Variants in BICRA observed in about 807,000 individuals in gnomAD.
BICRA encodes the protein BRD4 interacting chromatin remodeling complex associated protein.
Under a neutral mutation model 96.9 loss-of-function variants are expected in BICRA, and 31 were observed. The observed-to-expected ratio is 0.32, with a 90% CI of 0.24 to 0.43. The LOEUF is 0.43. Among genes scored for constraint, BICRA ranks in the 20% least tolerant of loss-of-function variants. The pLI is 1.00. For synonymous variants in BICRA, 1,350 were observed against 1,071.8 expected, an observed-to-expected ratio of 1.26 and a Z score of -5.07; for missense variants, 2,283 against 2,190.3, an observed-to-expected ratio of 1.04 and a Z score of -0.84.
intron 1 of BICRA, among the ~76,000 whole-genome samples, chr19:47,634,323 C>G (rs1006876159): frequency 6.6e-6 from 1 of 152,148 alleles, no homozygotes; most frequent in Non-Finnish European, 1.5e-5. Context: ...CTCGGGCCTG[C>G]CCTCGACATG....
chr19:47,638,399 G>A (rs1159678443), intron 1 of BICRA, among the ~76,000 whole-genome samples: 2 of 152,078 alleles, frequency 1.3e-5, no homozygotes, highest in Non-Finnish European at 2.9e-5. Context: ...GATTTTTTTG[G>A]AATAGGGAAC....
intron 1 of BICRA, among the ~76,000 whole-genome samples, chr19:47,639,697 T>C (rs2057122057): frequency 7.0e-6 from 1 of 142,662 alleles, no homozygotes; most frequent in African/African-American, 2.6e-5. Flanking sequence ...TGGAGTACAG[T>C]GTGGCACCAT....
rs530534562 is a variant in BICRA, at chr19:47,617,087, C to G, written c.-108+7919C>G. ...AAGCAATCCACCCGCCTCAGCTTCC[C>G]AAAGTGCTGGGATTACAAACATGAG... On this transcript the variant is annotated intron_variant, in intron 1 of 14. Coordinates refer to ENST00000594866, the MANE Select transcript of BICRA (RefSeq NM_001394372.1). Among the ~76,000 whole-genome samples the G allele has an allele frequency of 9.0e-3, 343 of 38,164 alleles. 3 individuals carry two copies. The highest frequency in any genetic ancestry group is 0.031 in the African/African-American group (333 of 10,630). 25.0% of individuals were successfully genotyped at this position (38,164 alleles called of 152,430 possible). A position where few individuals can be genotyped will look rare whatever the true frequency, so the allele number is the denominator to read the frequency against.
intron 5 of BICRA, among the ~76,000 whole-genome samples, chr19:47,676,172 C>T (rs766680491): frequency 6.6e-6 from 1 of 152,040 alleles, no homozygotes; most frequent in African/African-American, 2.4e-5. Context: ...TGAGGGTCCC[C>T]GAGGCCTTGG....
Position 47,694,221 on chromosome 19 carries a change from C to T in BICRA, c.2390C>T (p.Thr797Ile). The change falls in exon 8 of 15, where the codon ACC becomes ATC. Residue 797 changes from threonine to isoleucine, a missense_variant. Coordinates refer to ENST00000594866, the MANE Select transcript of BICRA (RefSeq NM_001394372.1). ...DSPHLPSPHP[T>I]RPPSRPPSRP... ...CCCCACCTGCCCTCCCCACACCCCA[C>T]CCGGCCCCCTTCCCGCCCACCCTCC... The T allele has an allele frequency of 1.7e-6, 2 of 1,194,792 alleles. No individual in the cohort carries two copies. The highest frequency in any genetic ancestry group is 2.3e-6 in the Non-Finnish European group (2 of 875,016). 74.0% of individuals were successfully genotyped at this position (1,194,792 alleles called of 1,614,324 possible).
In BICRA at chr19:47,702,742, A is replaced by G. The variant is rs558335318; in HGVS notation, c.*327A>G. On this transcript the variant is annotated 3_prime_UTR_variant, in exon 15 of 15. Coordinates refer to ENST00000594866, the MANE Select transcript of BICRA (RefSeq NM_001394372.1). ...GGACACGCGCATGTGTTTGCCAGGG[A>G]TGGGGCCACCGGGTTGATGCCAACG... The G allele has an allele frequency of 2.8e-6, 1 of 362,710 alleles. No individual in the cohort carries two copies. The highest frequency in any genetic ancestry group is 6.1e-5 in the East Asian group (1 of 16,308). The allele number at this position is 362,710 out of a possible 1,614,324, so 22.5% of individuals were successfully genotyped here. A position where few individuals can be genotyped will look rare whatever the true frequency, so the allele number is the denominator to read the frequency against.
At position 47,679,661 on chromosome 19, in the gene BICRA, C is replaced by T. The variant is rs1435388342; in HGVS notation, c.491C>T (p.Thr164Ile). Reference sequence around the variant, plus strand: ...CCCCAAGCCCTCTTCCCAGGCAGCACCGACCTGCTGGGGCTGCAGGGCCCG... The same window carrying T: ...CCCCAAGCCCTCTTCCCAGGCAGCATCGACCTGCTGGGGCTGCAGGGCCCG... ...AGPQALFPGS[T>I]DLLGLQGPPT... The change falls in exon 6 of 15, where the codon ACC becomes ATC. Residue 164 changes from threonine (T) to isoleucine (I), a missense_variant. Coordinates refer to ENST00000594866, the MANE Select transcript of BICRA (RefSeq NM_001394372.1). 2.6e-6 allele frequency: 4 copies of T among 1,514,694 alleles called. No individual in the cohort carries two copies. In the Admixed American group the frequency reaches 6.5e-5, roughly 25 times the overall value. 93.8% of individuals were successfully genotyped at this position (1,514,694 alleles called of 1,614,324 possible).
chr19:47,697,946 A>G (rs550202140), intron 11 of BICRA, among the ~76,000 whole-genome samples: 19 of 152,256 alleles, frequency 1.2e-4, no homozygotes, highest in East Asian at 3.9e-4. Context: ...GGCTCAGACA[A>G]TCCTTCTGCC....
intron 1 of BICRA, among the ~76,000 whole-genome samples, chr19:47,653,977 C>G (rs1177509364): frequency 6.6e-6 from 1 of 152,110 alleles, no homozygotes; most frequent in African/African-American, 2.4e-5. Context: ...GTATTACAAG[C>G]GTGAGCCACC....
intron 4 of BICRA, 36 bp downstream of exon 4, chr19:47,673,798 G>A (rs1260585196): frequency 1.1e-5 from 17 of 1,568,346 alleles, no homozygotes; most frequent in Non-Finnish European, 1.5e-5. Context: ...TTCCCTGAGT[G>A]GGGGGCTGTC....
chr19:47,684,646 A>G lies in BICRA; in HGVS notation c.2283+2494A>G, dbSNP rs529966160. Among the ~76,000 whole-genome samples the G allele has an allele frequency of 6.6e-5, 10 of 152,012 alleles. No individual in the cohort carries two copies. In the South Asian group the frequency reaches 2.1e-3, roughly 32 times the overall value. On this transcript the variant is annotated intron_variant, in intron 7 of 14. Coordinates refer to ENST00000594866, the MANE Select transcript of BICRA (RefSeq NM_001394372.1). ...AGCACTCTCTCATTTAAACCTCACC[A>G]CCTCCACCAGGTAGGTGGTAGCATC...
chr19:47,654,861 A>G (rs11878680), intron 1 of BICRA, among the ~76,000 whole-genome samples: 19,249 of 151,848 alleles, frequency 0.13, 1,334 homozygotes, highest in East Asian at 0.18. Flanking sequence ...GGTCGTGTCA[A>G]TGGTACCTGC....
At chr19:47,633,831 C>T (rs955457168) in intron 1 of BICRA, among the ~76,000 whole-genome samples, 29 of 152,164 alleles carry the variant, frequency 1.9e-4, no homozygotes, top group Admixed American at 3.9e-4. Context: ...ATTTATAACC[C>T]GTCTTTATTG....
chr19:47,682,821 G>A (rs546663917), intron 7 of BICRA, among the ~76,000 whole-genome samples: 154 of 152,116 alleles, frequency 1.0e-3, no homozygotes, highest in Admixed American at 1.7e-3. Flanking sequence ...ACAGGTGCCC[G>A]CCACCATGCT....
At chr19:47,621,793 A>C (rs1391816725) in intron 1 of BICRA, among the ~76,000 whole-genome samples, 1 of 144,612 alleles carries the variant, frequency 6.9e-6, no homozygotes, top group Non-Finnish European at 1.5e-5. Flanking sequence ...TCTTTAACTC[A>C]GTTTCTTTTT....
intron 1 of BICRA, among the ~76,000 whole-genome samples, chr19:47,668,299 C>A (rs909096776): frequency 1.3e-5 from 2 of 152,200 alleles, no homozygotes; most frequent in African/African-American, 2.4e-5. Flanking sequence ...CACCTACTTG[C>A]GAACATTGGT....
chr19:47,682,666 T>TTC (rs759636083), intron 7 of BICRA, among the ~76,000 whole-genome samples: 2 of 146,802 alleles, frequency 1.4e-5, no homozygotes, highest in African/African-American at 5.2e-5. Flanking sequence ...CCATTCTTCA[T>TTC]TCTCTCTCTC....
At chr19:47,633,915 G>C (rs1260297328) in intron 1 of BICRA, among the ~76,000 whole-genome samples, 1 of 152,194 alleles carries the variant, frequency 6.6e-6, no homozygotes, top group Non-Finnish European at 1.5e-5. Context: ...AGAACCCGCC[G>C]AGGGGCGTTC....
chr19:47,647,854 G>T (rs1256611949), intron 1 of BICRA, among the ~76,000 whole-genome samples: 1 of 151,138 alleles, frequency 6.6e-6, no homozygotes. Context: ...GGGGTGTCCT[G>T]TTGGGCTTGA....
Sources: allele counts gnomAD v4.1 joint callset (sites outside exome capture counted in the v4.1 genomes callset), GRCh38; gene constraint gnomAD v4.1.1; transcripts MANE v1.5; gene names NCBI Gene and HGNC (gene_info 2026-07-23, HGNC 2026-07-21).